Variants in EPG5 observed in about 807,000 individuals in gnomAD.
The protein encoded by EPG5 is ectopic P-granules 5 autophagy tethering factor, also known as ectopic P granules protein 5 homolog.
EPG5 carries 159 observed loss-of-function variants against 302.7 expected under a neutral mutation model. The observed-to-expected ratio is 0.53, with a 90% CI of 0.46 to 0.60. EPG5 has a LOEUF of 0.60. Among genes scored for constraint, EPG5 ranks in the 20% least tolerant of loss-of-function variants. The pLI, the probability that EPG5 is intolerant of heterozygous loss-of-function variation, is 0.00. For missense variants in EPG5, 2,896 were observed against 3,092.4 expected, an observed-to-expected ratio of 0.94 and a Z score of 1.51; for synonymous variants, 1,158 against 1,136.8, an observed-to-expected ratio of 1.02 and a Z score of -0.37.
Position 45,879,014 on chromosome 18 carries a change from T to C in EPG5, c.5868A>G (p.Thr1956=). 3.1e-6 allele frequency: 5 copies of C among 1,613,838 alleles called. No homozygotes were observed. The highest frequency in any genetic ancestry group is 4.2e-6 in the Non-Finnish European group (5 of 1,179,694). Residue 1956 remains threonine (T), a splice_region_variant and synonymous_variant, in exon 33 of 44, where the codon ACA becomes ACG. Coordinates refer to ENST00000282041, the MANE Select transcript of EPG5 (RefSeq NM_020964.3). ...LAQDPTASRK[T]VLKSLHSVII... is the part of the protein sequence containing the mutation. ...CACATCGCATGAGAAGTATATTACC[T>C]GTTTTCCTGCTGGCAGTTGGGTCTT... is the stretch of plus-strand genomic sequence containing the variant.
the EPG5 span, among the ~76,000 whole-genome samples, chr18:45,834,208 A>T: frequency 2.0e-5 from 3 of 151,720 alleles, no homozygotes; most frequent in African/African-American, 7.3e-5. Context: ...CCCTACTCTA[A>T]CCACCCCTAC....
rs149305986 is a variant in EPG5, at chr18:45,854,524, T to TTC, written c.7557+1047_7557+1048dup. Among the ~76,000 whole-genome samples the TTC allele has an allele frequency of 6.8e-4, 102 of 150,564 alleles. 1 individual carries two copies. The highest frequency in any genetic ancestry group is 4.5e-3 in the East Asian group (23 of 5,150). ...TAATTTGGGACAAATTACTTAGCCTTTCTCTCTCTCTCTCTCTTTCCTCAT... is the reference window on the plus strand; with the variant it reads ...TAATTTGGGACAAATTACTTAGCCTTTCTCTCTCTCTCTCTCTCTTTCCTCAT... On this transcript the variant is annotated intron_variant, in intron 43 of 43. Coordinates refer to ENST00000282041, the MANE Select transcript of EPG5 (RefSeq NM_020964.3).
the EPG5 span, among the ~76,000 whole-genome samples, chr18:45,822,899 C>T: frequency 6.6e-6 from 1 of 152,158 alleles, no homozygotes; most frequent in South Asian, 2.1e-4. Flanking sequence ...ATTAGGTACC[C>T]TGTATGGTTT....
At chr18:45,897,382 T>C (rs1252816182) in intron 27 of EPG5, among the ~76,000 whole-genome samples, 1 of 152,258 alleles carries the variant, frequency 6.6e-6, no homozygotes, top group Non-Finnish European at 1.5e-5. Flanking sequence ...TTTTAAAATA[T>C]GGAAAAACAC....
At chr18:45,899,209 C>G (rs1287206062) in intron 27 of EPG5, among the ~76,000 whole-genome samples, 195 bp downstream of exon 27, 2 of 152,262 alleles carry the variant, frequency 1.3e-5, no homozygotes, top group Admixed American at 6.5e-5. Context: ...ATTTGAATAT[C>G]TGTCTTATAG....
rs759405296 is a variant in EPG5 at position 45,916,104 on chromosome 18, G to T, written c.3487C>A (p.Gln1163Lys). The change falls in exon 19 of 44, where the codon CAA becomes AAA. Residue 1163 changes from glutamine (Q) to lysine (K), a missense_variant. This residue lies in a region of EPG5 where 1,390 missense variants were observed against 1,430.0 expected (regional missense o/e 0.97). Coordinates refer to ENST00000282041, the MANE Select transcript of EPG5 (RefSeq NM_020964.3). ...LISQHLWYRE[Q>K]PILFLMDHLC... is the part of the protein sequence containing the mutation. ...TGGTCCATGAGGAAGAGGATAGGTT[G>T]TTCTCGGTACCAGAGATGCTGGCTT... is the stretch of plus-strand genomic sequence containing the variant. 3 of 1,614,184 alleles carry T rather than the reference G, an allele frequency of 1.9e-6. No homozygotes were observed. The highest frequency in any genetic ancestry group is 2.5e-6 in the Non-Finnish European group (3 of 1,180,030).
At chr18:45,937,337 T>C (rs1312487164) in intron 10 of EPG5, among the ~76,000 whole-genome samples, 1 of 148,618 alleles carries the variant, frequency 6.7e-6, no homozygotes, top group Non-Finnish European at 1.5e-5. Flanking sequence ...TATATACACA[T>C]ATATATAGAT....
At chr18:45,801,979 G>T in the EPG5 span, among the ~76,000 whole-genome samples, 1 of 152,012 alleles carries the variant, frequency 6.6e-6, no homozygotes, top group Non-Finnish European at 1.5e-5. Context: ...CATCAGCTCT[G>T]ATGGCGGAAG....
At chr18:45,894,262 C>A (rs966485697) in intron 27 of EPG5, among the ~76,000 whole-genome samples, 2 of 152,050 alleles carry the variant, frequency 1.3e-5, no homozygotes, top group Admixed American at 6.6e-5. Flanking sequence ...CAGTTCAAGA[C>A]CAGCCTGGCC....
chr18:45,873,264 C>A (rs964946980), intron 35 of EPG5, among the ~76,000 whole-genome samples: 13 of 152,162 alleles, frequency 8.5e-5, no homozygotes, highest in Admixed American at 7.9e-4. Flanking sequence ...GTAATCCCAG[C>A]ACTTTGGGAG....
At chr18:45,868,594 C>T (rs1599450652) in intron 36 of EPG5, among the ~76,000 whole-genome samples, 1 of 150,928 alleles carries the variant, frequency 6.6e-6, no homozygotes, top group African/African-American at 2.4e-5. Flanking sequence ...GTCTTGAACC[C>T]CCAGCCTCAG....
chr18:45,905,009 C>T (rs1045354758), intron 24 of EPG5, among the ~76,000 whole-genome samples: 7 of 152,104 alleles, frequency 4.6e-5, no homozygotes, highest in African/African-American at 1.4e-4. Context: ...ACTGCTCTCC[C>T]TATTTTCCTA....
At position 45,855,491 on chromosome 18, in the gene EPG5, C is replaced by T. The variant is rs574846610; in HGVS notation, c.7557+82G>A. The stretch of plus-strand genomic sequence containing the variant: ...CACCACAGAGCATCATGTCATGACG[C>T]GCACAGGCTACGGCTGCCACCTCCC... On this transcript the variant is annotated intron_variant, in intron 43 of 43. Coordinates refer to ENST00000282041, the MANE Select transcript of EPG5 (RefSeq NM_020964.3). 72 of 912,346 alleles carry T rather than the reference C, an allele frequency of 7.9e-5. 1 individual carries two copies. Among genetic ancestry groups the T allele is most frequent in the South Asian group, 3.0e-4 (21 of 70,062 alleles). 56.5% of individuals were successfully genotyped at this position (912,346 alleles called of 1,614,324 possible).
At position 45,876,714 on chromosome 18, in the gene EPG5, T is replaced by TA. The variant is rs558852298; in HGVS notation, c.5943-373dup. Among the ~76,000 whole-genome samples, 767 of 143,390 alleles carry TA rather than the reference T, an allele frequency of 5.3e-3. 3 individuals carry two copies. Among genetic ancestry groups the TA allele is most frequent in the African/African-American group, 1.0e-2 (392 of 39,258 alleles). The allele number at this position is 143,390 out of a possible 152,430, so 94.1% of individuals were successfully genotyped here. A position where few individuals can be genotyped will look rare whatever the true frequency, so the allele number is the denominator to read the frequency against. ...CAACAGTTTTCTCTACTCAAAGCATTAAAAAAAAAAAATCAAATTCACATA... is the reference window on the plus strand; with the variant it reads ...CAACAGTTTTCTCTACTCAAAGCATTAAAAAAAAAAAAATCAAATTCACATA... On this transcript the variant is annotated intron_variant, in intron 34 of 43. Coordinates refer to ENST00000282041, the MANE Select transcript of EPG5 (RefSeq NM_020964.3).
intron 30 of EPG5, among the ~76,000 whole-genome samples, chr18:45,882,694 T>C (rs1028282357): frequency 6.6e-6 from 1 of 151,806 alleles, no homozygotes; most frequent in South Asian, 2.1e-4. Flanking sequence ...AAAAGAGAAG[T>C]ACATAAAAGA....
chr18:45,896,064 G>A (rs1020499781), intron 27 of EPG5, among the ~76,000 whole-genome samples: 1 of 152,204 alleles, frequency 6.6e-6, no homozygotes, highest in Non-Finnish European at 1.5e-5. Flanking sequence ...TGCCATTAAT[G>A]TGTAACAAAA....
chr18:45,967,029 C>T, intron 1 of EPG5, 148 bp downstream of exon 1: 2 of 710,132 alleles, frequency 2.8e-6, no homozygotes, highest in South Asian at 3.8e-5. Context: ...CCGGTGTCAA[C>T]GGGTGGTGGG....
chr18:45,904,112 C>T lies in EPG5; in HGVS notation c.4335G>A (p.Leu1445=). 1 of 1,610,692 alleles carries T rather than the reference C, an allele frequency of 6.2e-7. No individual in the cohort carries two copies. Among genetic ancestry groups the T allele is most frequent in the Non-Finnish European group, 8.5e-7 (1 of 1,179,268 alleles). The part of the protein sequence containing the change: ...LAKVMQNQQD[L]WMEYLNMERI... ...GCTCCATGTTCAAATACTCCATCCA[C>T]AGATCCTGAAACAGAACGACAGTAC... The change falls in exon 25 of 44, where the codon CTG becomes CTA. Residue 1445 remains leucine (L), a synonymous_variant. Transcript: ENST00000282041.
chr18:45,904,823 T>C (rs963890611), intron 24 of EPG5, among the ~76,000 whole-genome samples: 2 of 152,240 alleles, frequency 1.3e-5, no homozygotes, highest in African/African-American at 4.8e-5. Context: ...ATTTCTAATA[T>C]GTTTAGGTAT....
Sources: allele counts gnomAD v4.1 joint callset (sites outside exome capture counted in the v4.1 genomes callset), GRCh38; gene constraint gnomAD v4.1.1; regional missense constraint gnomAD v4.1.1; transcripts MANE v1.5; gene names NCBI Gene and HGNC (gene_info 2026-07-23, HGNC 2026-07-21).